NAT2: variants seen among roughly 807,000 people sequenced by gnomAD.
NAT2 encodes arylamine N-acetyltransferase 2.
For missense variants in NAT2, 428 were observed against 339.1 expected (o/e 1.26, Z -2.06); for synonymous variants, 137 against 125.9 (o/e 1.09, Z -0.59).
intron 1 of NAT2, among the ~76,000 whole-genome samples, chr8:18,397,527 A>G (rs1800714451): frequency 6.6e-6 from 1 of 152,198 alleles, no homozygotes; most frequent in African/African-American, 2.4e-5. Context: ...TGGCATGTGT[A>G]TAATCAAATT....
chr8:18,397,141 G>A (rs1312052315), intron 1 of NAT2, among the ~76,000 whole-genome samples: 2 of 151,896 alleles, frequency 1.3e-5, no homozygotes, highest in Admixed American at 1.3e-4. Context: ...ATGTTTCCTA[G>A]GTTTAAGGTC....
chr8:18,400,101 G>C lies in NAT2; in HGVS notation c.98G>C (p.Arg33Pro). Residue 33 changes from arginine to proline, a missense_variant, in exon 2 of 2, where the codon CGG becomes CCG. Transcript: ENST00000286479. ...ACTGACATTCTTGAGCACCAGATCC[G>C]GGCTGTTCCCTTTGAGAACCTTAAC... is the stretch of plus-strand genomic sequence containing the variant. The part of the protein sequence containing the change: ...TLTDILEHQI[R>P]AVPFENLNMH... 2.5e-6 allele frequency: 4 copies of C among 1,613,988 alleles called. No individual in the cohort carries two copies. The highest frequency in any genetic ancestry group is 3.4e-6 in the Non-Finnish European group (4 of 1,179,956).
chr8:18,400,047 C>G lies in NAT2; in HGVS notation c.44C>G (p.Ser15Cys). The change falls in exon 2 of 2, where the codon TCT becomes TGT. Residue 15 changes from serine (S) to cysteine (C), a missense_variant. Physicochemically the swap from Ser to Cys is moderately radical, Grantham distance 112 (BLOSUM62 -1). Transcript: ENST00000286479. ...AYFERIGYKN[S>C]RNKLDLETLT... Reference sequence around the variant, plus strand: ...TTTGAAAGAATTGGCTATAAGAACTCTAGGAACAAATTGGACTTGGAAACA... The same window carrying G: ...TTTGAAAGAATTGGCTATAAGAACTGTAGGAACAAATTGGACTTGGAAACA... 6.2e-7 allele frequency: 1 copy of G among 1,609,962 alleles called. No individual in the cohort carries two copies. Among genetic ancestry groups the G allele is most frequent in the Non-Finnish European group, 8.5e-7 (1 of 1,177,846 alleles).
At chr8:18,393,807 G>T (rs552350625) in intron 1 of NAT2, among the ~76,000 whole-genome samples, 44 of 152,306 alleles carry the variant, frequency 2.9e-4, no homozygotes, top group Middle Eastern at 3.4e-3. Flanking sequence ...AAAAATTCAG[G>T]ATTTGGTCTA....
At chr8:18,391,090 T>TATC (rs1036102588), upstream of NAT2, among the ~76,000 whole-genome samples, 1 of 151,884 alleles carries the variant, frequency 6.6e-6, no homozygotes, top group Non-Finnish European at 1.5e-5. Context: ...GTGGCATGGG[T>TATC]ATCATCAGAT....
chr8:18,398,635 C>G (rs893511264), intron 1 of NAT2, among the ~76,000 whole-genome samples: 2 of 152,184 alleles, frequency 1.3e-5, no homozygotes, highest in African/African-American at 2.4e-5. Context: ...TATGCTGGTA[C>G]TAAGAGTCAC....
intron 1 of NAT2, among the ~76,000 whole-genome samples, chr8:18,393,560 C>A (rs1186525485): frequency 1.3e-5 from 2 of 152,186 alleles, no homozygotes; most frequent in Admixed American, 6.5e-5. Context: ...CTTCATATTG[C>A]AGTGGCAATG....
At chr8:18,393,935 G>A (rs190522451) in intron 1 of NAT2, among the ~76,000 whole-genome samples, 1 of 152,176 alleles carries the variant, frequency 6.6e-6, no homozygotes, top group South Asian at 2.1e-4. Flanking sequence ...TTTTATGAAA[G>A]ACATAGTTTC....
At chr8:18,392,784 G>A (rs2117612775) in intron 1 of NAT2, among the ~76,000 whole-genome samples, 1 of 152,288 alleles carries the variant, frequency 6.6e-6, no homozygotes, top group African/African-American at 2.4e-5. Flanking sequence ...AGTAAAGAGT[G>A]GAGACTCAAA....
upstream of NAT2, among the ~76,000 whole-genome samples, chr8:18,389,685 G>A (rs1174015177): frequency 6.6e-6 from 1 of 152,156 alleles, no homozygotes; most frequent in Non-Finnish European, 1.5e-5. Context: ...CTGCCCCTCC[G>A]CAGATCCCAT....
Position 18,400,101 on chromosome 8 carries a change from G to T in NAT2, c.98G>T (p.Arg33Leu). The T allele has an allele frequency of 3.7e-6, 6 of 1,613,988 alleles. No individual in the cohort carries two copies. Among genetic ancestry groups the T allele is most frequent in the Non-Finnish European group, 5.1e-6 (6 of 1,179,956 alleles). Residue 33 changes from arginine (R) to leucine (L), a missense_variant, in exon 2 of 2, where the codon CGG becomes CTG. Coordinates refer to ENST00000286479, the MANE Select transcript of NAT2 (RefSeq NM_000015.3). ...ACTGACATTCTTGAGCACCAGATCC[G>T]GGCTGTTCCCTTTGAGAACCTTAAC... ...TLTDILEHQIRAVPFENLNMH... is the reference protein window; with the variant it reads ...TLTDILEHQILAVPFENLNMH...
chr8:18,393,352 C>T (rs538321775), intron 1 of NAT2, among the ~76,000 whole-genome samples: 2 of 152,102 alleles, frequency 1.3e-5, no homozygotes, highest in African/African-American at 4.8e-5. Context: ...GAGGTGAGAT[C>T]AGTTCAGTTA....
In NAT2 at chr8:18,400,033, T is replaced by G; in HGVS notation, c.30T>G (p.Ile10Met). The G allele has an allele frequency of 6.3e-7, 1 of 1,597,444 alleles. No homozygotes were observed. Among genetic ancestry groups the G allele is most frequent in the Non-Finnish European group, 8.5e-7 (1 of 1,170,368 alleles). ...ACATTGAAGCATATTTTGAAAGAAT[T>G]GGCTATAAGAACTCTAGGAACAAAT... MDIEAYFER[I>M]GYKNSRNKLD... The change falls in exon 2 of 2, where the codon ATT becomes ATG. Residue 10 changes from isoleucine to methionine, a missense_variant. By Grantham distance (10) the Ile-to-Met change is conservative (BLOSUM62 1). Coordinates refer to ENST00000286479, the MANE Select transcript of NAT2 (RefSeq NM_000015.3).
chr8:18,387,499 G>A (rs1269013761), upstream of NAT2: 3 of 153,852 alleles, frequency 1.9e-5, no homozygotes, highest in East Asian at 1.9e-4. Context: ...TCCTCTTTGC[G>A]CCTTGCTGGC....
chr8:18,400,751 A>G lies in NAT2; in HGVS notation c.748A>G (p.Thr250Ala). ...TYRKFNYKDN[T>A]DLVEFKTLTE... ...TAGAAAATTCAATTATAAAGACAAT[A>G]CAGATCTGGTCGAGTTTAAAACTCT... The change falls in exon 2 of 2, where the codon ACA becomes GCA. Residue 250 changes from threonine to alanine, a missense_variant. Transcript: ENST00000286479. The G allele has an allele frequency of 6.2e-7, 1 of 1,613,694 alleles. No individual in the cohort carries two copies. Among genetic ancestry groups the G allele is most frequent in the Non-Finnish European group, 8.5e-7 (1 of 1,179,932 alleles).
upstream of NAT2, among the ~76,000 whole-genome samples, chr8:18,388,403 T>C (rs929475411): frequency 6.6e-6 from 1 of 151,416 alleles, no homozygotes; most frequent in African/African-American, 2.4e-5. Flanking sequence ...TTTCAGTTTG[T>C]TTAGTTTTCT....
chr8:18,400,549 A>C lies in NAT2; in HGVS notation c.546A>C (p.Pro182=). The C allele has an allele frequency of 6.2e-7, 1 of 1,612,458 alleles. No individual in the cohort carries two copies. Among genetic ancestry groups the C allele is most frequent in the Non-Finnish European group, 8.5e-7 (1 of 1,179,614 alleles). ...AATTTCTTAATTCTCATCTCCTGCC[A>C]AAGAAGAAACACCAAAAAATATACT... ...NKEFLNSHLL[P]KKKHQKIYLF... The change falls in exon 2 of 2, where the codon CCA becomes CCC. Residue 182 remains proline (P), a synonymous_variant. Coordinates refer to ENST00000286479, the MANE Select transcript of NAT2 (RefSeq NM_000015.3).
rs527756685 is a variant in NAT2 at position 18,400,156 on chromosome 8, C to A, written c.153C>A (p.Gly51=). The change falls in exon 2 of 2, where the codon GGC becomes GGA. Residue 51 remains glycine, a synonymous_variant. Transcript: ENST00000286479. ...ATTGTGGGCAAGCCATGGAGTTGGGCTTAGAGGCTATTTTTGATCACATTG... is the reference window on the plus strand; with the variant it reads ...ATTGTGGGCAAGCCATGGAGTTGGGATTAGAGGCTATTTTTGATCACATTG... ...NMHCGQAMEL[G]LEAIFDHIVR... 1 of 1,613,936 alleles carries A rather than the reference C, an allele frequency of 6.2e-7. No individual in the cohort carries two copies. Among genetic ancestry groups the A allele is most frequent in the African/African-American group, 1.3e-5 (1 of 74,988 alleles).
At chr8:18,390,646 T>A (rs1441162906), upstream of NAT2, among the ~76,000 whole-genome samples, 1 of 152,124 alleles carries the variant, frequency 6.6e-6, no homozygotes, top group Non-Finnish European at 1.5e-5. Flanking sequence ...TCATTAAATA[T>A]GGTGTGGATA....
Sources: gnomAD v4.1 joint callset for allele counts (sites outside exome capture counted in the v4.1 genomes callset) on GRCh38, gnomAD v4.1.1 for gene constraint, MANE v1.5 for transcripts, NCBI Gene and HGNC (gene_info 2026-07-23, HGNC 2026-07-21) for gene names.